SGMS1: variants seen among roughly 807,000 people sequenced by gnomAD.
SGMS1 encodes sphingomyelin synthase 1, also known as phosphatidylcholine:ceramide cholinephosphotransferase 1.
A neutral mutation model predicts 46.2 loss-of-function variants in SGMS1; 13 were observed. The observed-to-expected ratio is 0.28, with a 90% CI of 0.18 to 0.45. The LOEUF is 0.45. SGMS1 is among the 20% of genes least tolerant of loss of function. The pLI, the probability that SGMS1 is intolerant of heterozygous loss-of-function variation, is 1.00. For missense variants in SGMS1, 324 were observed against 519.9 expected, an observed-to-expected ratio of 0.62 and a Z score of 3.66; for synonymous variants, 203 against 187.8, an observed-to-expected ratio of 1.08 and a Z score of -0.66.
At chr10:50,534,579 A>G (rs1472838841) in intron 2 of SGMS1, among the ~76,000 whole-genome samples, 6 of 152,194 alleles carry the variant, frequency 3.9e-5, no homozygotes, top group African/African-American at 1.4e-4. Flanking sequence ...TGAGGATAAA[A>G]TTTGTATTAC....
chr10:50,377,178 T>C (rs1232644509), intron 6 of SGMS1, among the ~76,000 whole-genome samples: 1 of 152,238 alleles, frequency 6.6e-6, no homozygotes, highest in Non-Finnish European at 1.5e-5. Context: ...CAGCTACATC[T>C]GGTTGGTTTC....
At chr10:50,524,495 C>A (rs1837883451) in intron 2 of SGMS1, among the ~76,000 whole-genome samples, 9 of 152,182 alleles carry the variant, frequency 5.9e-5, no homozygotes, top group Admixed American at 5.9e-4. Context: ...TTCATGCTAA[C>A]CATTCAAAGC....
chr10:50,479,307 T>C (rs1453326334), intron 3 of SGMS1, among the ~76,000 whole-genome samples: 2 of 152,102 alleles, frequency 1.3e-5, no homozygotes, highest in Non-Finnish European at 2.9e-5. Flanking sequence ...TACTAGCAAG[T>C]ATGATCTAAG....
At chr10:50,563,314 C>A (rs550516296) in intron 2 of SGMS1, among the ~76,000 whole-genome samples, 1 of 152,218 alleles carries the variant, frequency 6.6e-6, no homozygotes, top group Admixed American at 6.5e-5. Context: ...ACAGGGCAAA[C>A]GGTCTTGTAG....
intron 4 of SGMS1, among the ~76,000 whole-genome samples, chr10:50,464,152 G>A (rs1327201215): frequency 6.6e-6 from 1 of 152,030 alleles, no homozygotes; most frequent in Non-Finnish European, 1.5e-5. Context: ...CACTTAAAAT[G>A]GTTATATTTT....
At chr10:50,552,618 C>T (rs1838157887) in intron 2 of SGMS1, among the ~76,000 whole-genome samples, 1 of 152,230 alleles carries the variant, frequency 6.6e-6, no homozygotes, top group South Asian at 2.1e-4. Flanking sequence ...GTTAAGCATA[C>T]TCCTACAAGG....
intron 2 of SGMS1, among the ~76,000 whole-genome samples, chr10:50,580,476 G>C (rs1356250992): frequency 6.6e-6 from 1 of 150,748 alleles, no homozygotes; most frequent in Non-Finnish European, 1.5e-5. Flanking sequence ...GAATCACCTC[G>C]GGGAAATTAA....
In SGMS1 at chr10:50,463,199, A is replaced by C. The variant is rs534456304; in HGVS notation, c.-454-2385T>G. On this transcript the variant is annotated intron_variant, in intron 4 of 10. Transcript: ENST00000361781. ...AAAATAAGCAAATGGGACTACATCA[A>C]ACTTAAAAACTAAAGGAAGTAATCA... Among the ~76,000 whole-genome samples the C allele has an allele frequency of 3.9e-5, 6 of 152,306 alleles. No homozygotes were observed. The South Asian group carries it at 8.3e-4, about 21-fold the overall frequency.
intron 3 of SGMS1, among the ~76,000 whole-genome samples, chr10:50,500,387 A>T (rs182070000): frequency 3.0e-4 from 45 of 152,192 alleles, no homozygotes; most frequent in African/African-American, 1.1e-3. Context: ...AACAATTGGG[A>T]ACCTGAAGCA....
chr10:50,534,575 T>C (rs1403335109), intron 2 of SGMS1, among the ~76,000 whole-genome samples: 1 of 152,188 alleles, frequency 6.6e-6, no homozygotes, highest in Non-Finnish European at 1.5e-5. Flanking sequence ...GAAATGAGGA[T>C]AAAATTTGTA....
intron 5 of SGMS1, among the ~76,000 whole-genome samples, chr10:50,445,270 T>C (rs1160942081): frequency 2.6e-5 from 4 of 152,208 alleles, no homozygotes; most frequent in African/African-American, 7.2e-5. Context: ...CATACTGAAT[T>C]ATAAAGCCCT....
At chr10:50,560,974 G>C (rs1201884450) in intron 2 of SGMS1, among the ~76,000 whole-genome samples, 1 of 152,124 alleles carries the variant, frequency 6.6e-6, no homozygotes, top group Non-Finnish European at 1.5e-5. Flanking sequence ...TTCACATCTT[G>C]TTATTTGAGA....
intron 5 of SGMS1, among the ~76,000 whole-genome samples, chr10:50,448,118 C>T (rs1823609491): frequency 6.6e-6 from 1 of 152,082 alleles, no homozygotes; most frequent in Non-Finnish European, 1.5e-5. Context: ...CTTTTGTCCC[C>T]ACCACTGTAT....
rs114090931 is a variant in SGMS1, at chr10:50,317,744, C to T, written c.742-6329G>A. On this transcript the variant is annotated intron_variant, in intron 8 of 10. Coordinates refer to ENST00000361781, the MANE Select transcript of SGMS1 (RefSeq NM_147156.4). ...TATTCACTATTCACTAACTATTTTT[C>T]GTAAGCTTAGTTTTTATTTAAATCA... Among the ~76,000 whole-genome samples, 1,349 of 151,612 alleles carry T rather than the reference C, an allele frequency of 8.9e-3. 15 individuals carry two copies. Among genetic ancestry groups the T allele is most frequent in the African/African-American group, 0.031 (1,263 of 41,290 alleles).
intron 6 of SGMS1, among the ~76,000 whole-genome samples, chr10:50,425,380 T>C (rs1028069102): frequency 6.6e-6 from 1 of 152,066 alleles, no homozygotes; most frequent in African/African-American, 2.4e-5. Context: ...ATAAAGAAAA[T>C]GTGGTACATA....
chr10:50,330,008 A>G (rs919052796), intron 7 of SGMS1, among the ~76,000 whole-genome samples: 4 of 152,234 alleles, frequency 2.6e-5, no homozygotes, highest in Non-Finnish European at 4.4e-5. Context: ...ATAGATCATT[A>G]TTAAGACTTA....
At chr10:50,370,415 ATTTTTTTTTTACTTAAAAAATT>A (rs1435971069) in intron 6 of SGMS1, among the ~76,000 whole-genome samples, 2 of 148,768 alleles carry the variant, frequency 1.3e-5, no homozygotes, top group Non-Finnish European at 3.0e-5. Context: ...TTAAATTTTA[ATTTTTTTTTTACTTAAAAAATT>A]TTTTTTTTTT....
chr10:50,566,444 A>G (rs780808940), intron 2 of SGMS1, among the ~76,000 whole-genome samples: 3 of 152,190 alleles, frequency 2.0e-5, no homozygotes, highest in Non-Finnish European at 4.4e-5. Context: ...CTCTGTTGAC[A>G]GCTTCTTCTG....
At chr10:50,463,182 C>A (rs1418500460) in intron 4 of SGMS1, among the ~76,000 whole-genome samples, 1 of 152,018 alleles carries the variant, frequency 6.6e-6, no homozygotes. Context: ...ACAAAATAAG[C>A]AAATGGGACT....
Sources: allele counts gnomAD v4.1 joint callset (sites outside exome capture counted in the v4.1 genomes callset), GRCh38; gene constraint gnomAD v4.1.1; transcripts MANE v1.5; gene names NCBI Gene and HGNC (gene_info 2026-07-23, HGNC 2026-07-21).